The following SPTLC3 variants were observed in gnomAD, a reference collection of about 807,000 sequenced individuals.
The protein encoded by SPTLC3 is serine palmitoyltransferase long chain base subunit 3, also known as serine palmitoyltransferase 3.
A neutral mutation model predicts 59.3 loss-of-function variants in SPTLC3; 36 were observed. That is an observed-to-expected ratio of 0.61 (90% confidence interval 0.47 to 0.80). The LOEUF (loss-of-function observed/expected upper bound fraction) is 0.80. Ranked by LOEUF, SPTLC3 falls within the 30% of genes least tolerant of loss-of-function variation. The pLI is 0.00. For synonymous variants in SPTLC3, 257 were observed against 240.8 expected, an observed-to-expected ratio of 1.07 and a Z score of -0.62; for missense variants, 625 against 685.1, an observed-to-expected ratio of 0.91 and a Z score of 0.98.
At chr20:13,075,121 G>A (rs1988595804) in intron 4 of SPTLC3, among the ~76,000 whole-genome samples, 1 of 141,702 alleles carries the variant, frequency 7.1e-6, no homozygotes, top group South Asian at 2.3e-4. Context: ...GAGAGGGAGA[G>A]CGTTCATTTA....
At chr20:13,092,074 C>G (rs73898430) in intron 5 of SPTLC3, among the ~76,000 whole-genome samples, 5,219 of 152,244 alleles carry the variant, frequency 0.034, 326 homozygotes, top group African/African-American at 0.12. Flanking sequence ...CTGCCCAAAA[C>G]CCTTCCTGAG....
chr20:13,162,751 G>A (rs1366149745), intron 11 of SPTLC3, among the ~76,000 whole-genome samples: 1 of 152,116 alleles, frequency 6.6e-6, no homozygotes, highest in Non-Finnish European at 1.5e-5. Context: ...TATATAGCCA[G>A]CCAGTGAACT....
chr20:13,140,539 C>T (rs1254650820), intron 9 of SPTLC3, among the ~76,000 whole-genome samples: 1 of 152,136 alleles, frequency 6.6e-6, no homozygotes, highest in Admixed American at 6.5e-5. Context: ...ATTAACATCA[C>T]TTGCATTTTA....
chr20:13,043,754 G>A (rs1476894842), intron 1 of SPTLC3, among the ~76,000 whole-genome samples: 12 of 152,130 alleles, frequency 7.9e-5, no homozygotes, highest in Admixed American at 7.9e-4. Context: ...CTCACTATTA[G>A]TAACCGAAGT....
chr20:13,021,858 C>G (rs900456623), intron 1 of SPTLC3, among the ~76,000 whole-genome samples: 5 of 152,108 alleles, frequency 3.3e-5, no homozygotes, highest in African/African-American at 1.2e-4. Context: ...AGCTTTATTT[C>G]TAACACATCA....
chr20:13,162,398 T>C (rs915456620), intron 11 of SPTLC3, among the ~76,000 whole-genome samples: 3 of 152,200 alleles, frequency 2.0e-5, no homozygotes, highest in Non-Finnish European at 4.4e-5. Context: ...TTTGAAAGGA[T>C]ACTGAGACAT....
chr20:13,051,795 C>T (rs1457148531), intron 2 of SPTLC3, among the ~76,000 whole-genome samples: 1 of 152,100 alleles, frequency 6.6e-6, no homozygotes, highest in African/African-American at 2.4e-5. Context: ...ACCTTCAAAA[C>T]CATGCAAATA....
intron 2 of SPTLC3, among the ~76,000 whole-genome samples, chr20:13,064,058 C>T (rs1354867604): frequency 7.1e-6 from 1 of 140,862 alleles, no homozygotes; most frequent in Non-Finnish European, 1.5e-5. Flanking sequence ...TTGATGGAGT[C>T]TTGCTCTTTC....
chr20:13,124,251 C>A (rs1483753477), intron 8 of SPTLC3, among the ~76,000 whole-genome samples: 1 of 151,980 alleles, frequency 6.6e-6, no homozygotes, highest in Non-Finnish European at 1.5e-5. Context: ...CCTGGACTCC[C>A]ACACATGTCT....
chr20:13,036,145 T>C (rs1029990393), intron 1 of SPTLC3, among the ~76,000 whole-genome samples: 5 of 152,238 alleles, frequency 3.3e-5, no homozygotes, highest in Middle Eastern at 3.4e-3. Flanking sequence ...AAACATTAGG[T>C]GATGATTTAA....
intron 9 of SPTLC3, 24 bp from the exon 10 acceptor site, chr20:13,153,979 G>T: frequency 6.2e-7 from 1 of 1,611,054 alleles, no homozygotes; most frequent in Non-Finnish European, 8.5e-7. Flanking sequence ...GGAATTGATG[G>T]ATTTCACGCC....
chr20:13,041,825 A>T (rs1986994119), intron 1 of SPTLC3, among the ~76,000 whole-genome samples: 1 of 151,426 alleles, frequency 6.6e-6, no homozygotes, highest in South Asian at 2.1e-4. Flanking sequence ...TTTACCTCAC[A>T]GTGTAAAACC....
intron 2 of SPTLC3, among the ~76,000 whole-genome samples, chr20:13,061,355 T>A (rs1369716388): frequency 1.3e-5 from 2 of 152,152 alleles, no homozygotes; most frequent in African/African-American, 4.8e-5. Flanking sequence ...CACTTCCTAT[T>A]TCATTGAGAA....
At chr20:13,062,988 G>A (rs1988032240) in intron 2 of SPTLC3, among the ~76,000 whole-genome samples, 1 of 152,176 alleles carries the variant, frequency 6.6e-6, no homozygotes, top group South Asian at 2.1e-4. Flanking sequence ...TAACTTCTGA[G>A]ACATACTGCC....
At chr20:13,009,433 A>G (rs369692444) in intron 1 of SPTLC3, 49 bp downstream of exon 1, 21 of 1,501,964 alleles carry the variant, frequency 1.4e-5, no homozygotes, top group African/African-American at 1.2e-4. Flanking sequence ...GAACGTTTCA[A>G]TATTTCTCTG....
chr20:13,087,911 T>G (rs565426451), intron 4 of SPTLC3, among the ~76,000 whole-genome samples: 4 of 152,144 alleles, frequency 2.6e-5, no homozygotes, highest in African/African-American at 9.7e-5. Context: ...AGAGAAAAGA[T>G]GAAGGGCAAA....
At chr20:13,010,610 A>G (rs532036821) in intron 1 of SPTLC3, among the ~76,000 whole-genome samples, 1 of 152,308 alleles carries the variant, frequency 6.6e-6, no homozygotes, top group South Asian at 2.1e-4. Flanking sequence ...CAATGTGAAG[A>G]GAAGGTGCTC....
chr20:13,127,387 A>G (rs1174381360), intron 9 of SPTLC3, among the ~76,000 whole-genome samples: 3 of 152,224 alleles, frequency 2.0e-5, no homozygotes, highest in African/African-American at 7.2e-5. Flanking sequence ...TCTTGCTGCC[A>G]GGCAAACTGG....
chr20:13,108,767 G>A (rs1990055847), intron 6 of SPTLC3, among the ~76,000 whole-genome samples: 1 of 152,008 alleles, frequency 6.6e-6, no homozygotes, highest in African/African-American at 2.4e-5. Flanking sequence ...GTAGAGACTG[G>A]GTTTCACCAT....
Sources: gnomAD v4.1 joint callset for allele counts (sites outside exome capture counted in the v4.1 genomes callset) on GRCh38, gnomAD v4.1.1 for gene constraint, MANE v1.5 for transcripts, NCBI Gene and HGNC (gene_info 2026-07-23, HGNC 2026-07-21) for gene names.